The following PTPRN2 variants were observed in gnomAD, a reference collection of about 807,000 sequenced individuals.
PTPRN2 encodes protein tyrosine phosphatase receptor type N2, also known as receptor-type tyrosine-protein phosphatase N2.
In PTPRN2, 74 loss-of-function variants were observed where a neutral mutation model predicts 118.8. That is an observed-to-expected ratio of 0.62 (90% CI 0.52 to 0.76). The LOEUF (loss-of-function observed/expected upper bound fraction) is 0.76, where lower values mean the gene tolerates loss of function less well. Ranked by LOEUF, PTPRN2 falls within the 30% of genes least tolerant of loss-of-function variation. The probability of loss-of-function intolerance (pLI) is 0.00; values close to 1 mark genes in which losing one functional copy is unlikely to be tolerated. For missense variants in PTPRN2, 1,481 were observed against 1,394.4 expected, an observed-to-expected ratio of 1.06 and a Z score of -0.99; for synonymous variants, 641 against 608.0, an observed-to-expected ratio of 1.05 and a Z score of -0.80.
chr7:158,434,815 T>G (rs1210782480), intron 2 of PTPRN2, among the ~76,000 whole-genome samples: 1 of 152,166 alleles, frequency 6.6e-6, no homozygotes, highest in Non-Finnish European at 1.5e-5. Flanking sequence ...GTGGCTATTC[T>G]AGAAATAATA....
chr7:158,102,872 G>A (rs12698140), intron 10 of PTPRN2, among the ~76,000 whole-genome samples: 43,028 of 151,976 alleles, frequency 0.28, 6,938 homozygotes, highest in Middle Eastern at 0.44. Context: ...TGGGGGCCAC[G>A]GTGCAGGGAA....
intron 11 of PTPRN2, among the ~76,000 whole-genome samples, chr7:158,057,152 CTA>C (rs1809856282): frequency 6.6e-6 from 1 of 152,224 alleles, no homozygotes; most frequent in African/African-American, 2.4e-5. Context: ...CTCTGCAATT[CTA>C]TTTTATGATA....
At chr7:158,451,245 G>A (rs189593719) in intron 2 of PTPRN2, among the ~76,000 whole-genome samples, 330 of 152,226 alleles carry the variant, frequency 2.2e-3, no homozygotes, top group Non-Finnish European at 3.2e-3. Flanking sequence ...GATCTTTGTC[G>A]GTTACATGTC....
intron 11 of PTPRN2, among the ~76,000 whole-genome samples, chr7:157,922,117 C>T (rs1798723584): frequency 6.6e-6 from 1 of 152,174 alleles, no homozygotes; most frequent in Non-Finnish European, 1.5e-5. Flanking sequence ...TGTTCAAATA[C>T]CTTAAAAACT....
At chr7:157,684,371 G>A (rs933200424) in intron 12 of PTPRN2, among the ~76,000 whole-genome samples, 12 of 141,896 alleles carry the variant, frequency 8.5e-5, no homozygotes, top group South Asian at 5.0e-4. Flanking sequence ...GAGAGGGAGG[G>A]AAGGAAAGGG....
At chr7:158,387,884 G>A (rs903344139) in intron 2 of PTPRN2, among the ~76,000 whole-genome samples, 12 of 152,150 alleles carry the variant, frequency 7.9e-5, no homozygotes, top group African/African-American at 7.2e-5. Context: ...CCCTGCAGAT[G>A]TCAGACCCGC....
chr7:157,802,236 C>G (rs760006105), intron 12 of PTPRN2, among the ~76,000 whole-genome samples: 1 of 152,228 alleles, frequency 6.6e-6, no homozygotes, highest in African/African-American at 2.4e-5. Context: ...GGCCCCTTCC[C>G]GTGCTTCCCC....
chr7:157,899,750 GT>G (rs1031350987), intron 11 of PTPRN2, among the ~76,000 whole-genome samples: 7 of 152,182 alleles, frequency 4.6e-5, no homozygotes, highest in Non-Finnish European at 7.3e-5. Context: ...CTTATGGAAA[GT>G]TTTTCCCTTT....
At chr7:158,550,392 G>T (rs1364480905) in intron 1 of PTPRN2, among the ~76,000 whole-genome samples, 2 of 152,232 alleles carry the variant, frequency 1.3e-5, no homozygotes, top group Non-Finnish European at 2.9e-5. Flanking sequence ...GTCACTTTTG[G>T]AAGCCATGCA....
Position 157,674,800 on chromosome 7 carries a change from G to A in PTPRN2, c.2001+7925C>T, listed in dbSNP as rs185891073. ...CACGAGGCTGTCACCTGGAGATTCC[G>A]GCCCTGCCGGGCGTCTCCTCCCACG... On this transcript the variant is annotated intron_variant, in intron 13 of 22. Transcript: ENST00000389418. The surrounding 1 kb of genome is among the most constrained non-coding windows in gnomAD (Gnocchi z 4.5). Among the ~76,000 whole-genome samples, 217 of 152,330 alleles carry A rather than the reference G, an allele frequency of 1.4e-3. No individual in the cohort carries two copies. The highest frequency in any genetic ancestry group is 6.8e-3 in the Middle Eastern group (2 of 294).
intron 11 of PTPRN2, among the ~76,000 whole-genome samples, chr7:157,955,927 AAG>A (rs1801157249): frequency 6.6e-6 from 1 of 152,186 alleles, no homozygotes; most frequent in Non-Finnish European, 1.5e-5. Context: ...CATATTTCTA[AAG>A]AGAGTCAGAG....
chr7:158,083,893 G>A (rs1207505963), intron 10 of PTPRN2, among the ~76,000 whole-genome samples: 1 of 89,680 alleles, frequency 1.1e-5, no homozygotes, highest in Non-Finnish European at 2.6e-5. Context: ...CAGAGGGTCG[G>A]TAACGTGACC....
chr7:158,424,115 T>TGGAC (rs1239751993), intron 2 of PTPRN2, among the ~76,000 whole-genome samples: 1 of 152,066 alleles, frequency 6.6e-6, no homozygotes, highest in Non-Finnish European at 1.5e-5. Context: ...TTCTCCAGGG[T>TGGAC]GGACACAGGC....
intron 2 of PTPRN2, among the ~76,000 whole-genome samples, chr7:158,460,182 G>A (rs567104281): frequency 1.1e-5 from 1 of 88,892 alleles, no homozygotes; most frequent in African/African-American, 4.7e-5. Context: ...TGTGCCGTGA[G>A]CACAGGAGGG....
intron 21 of PTPRN2, among the ~76,000 whole-genome samples, chr7:157,555,642 T>C (rs1281997133): frequency 2.0e-5 from 3 of 152,246 alleles, no homozygotes; most frequent in Non-Finnish European, 4.4e-5. Context: ...GTAAGTTTTA[T>C]TACAATTTTA....
At chr7:157,594,124 G>A (rs544909134) in intron 17 of PTPRN2, among the ~76,000 whole-genome samples, 21 of 152,316 alleles carry the variant, frequency 1.4e-4, no homozygotes, top group African/African-American at 4.8e-4. Flanking sequence ...CCATGCAAGG[G>A]TGCTCGGAGG....
intron 3 of PTPRN2, among the ~76,000 whole-genome samples, chr7:158,211,713 T>A (rs1325894381): frequency 6.6e-6 from 1 of 152,062 alleles, no homozygotes; most frequent in South Asian, 2.1e-4. Context: ...AGACAGGCAA[T>A]AACAAATGCT....
Position 158,205,166 on chromosome 7 carries a change from C to G in PTPRN2, c.380+5G>C. The G allele has an allele frequency of 6.2e-7, 1 of 1,610,674 alleles. No individual in the cohort carries two copies. Among genetic ancestry groups the G allele is most frequent in the Non-Finnish European group, 8.5e-7 (1 of 1,176,818 alleles). On this transcript the variant is annotated splice_donor_5th_base_variant and intron_variant, in intron 4 of 22. Transcript: ENST00000389418. ...CAAGGAGCAACAAGCCACGTCCACACTTACCTGGCTGGGCTGGATGCTTCA... is the reference window on the plus strand; with the variant it reads ...CAAGGAGCAACAAGCCACGTCCACAGTTACCTGGCTGGGCTGGATGCTTCA...
chr7:158,433,343 T>A (rs900092734), intron 2 of PTPRN2, among the ~76,000 whole-genome samples: 1 of 152,242 alleles, frequency 6.6e-6, no homozygotes, highest in Non-Finnish European at 1.5e-5. Context: ...AAGACAGATA[T>A]ATTCAGCTTC....
Sources: gnomAD v4.1 joint callset for allele counts (sites outside exome capture counted in the v4.1 genomes callset) on GRCh38, gnomAD v4.1.1 for gene constraint, Gnocchi (gnomAD v3.1) non-coding constraint, MANE v1.5 for transcripts, NCBI Gene and HGNC (gene_info 2026-07-23, HGNC 2026-07-21) for gene names.